The following KCTD16 variants were observed in gnomAD, a reference collection of about 807,000 sequenced individuals.
The protein encoded by KCTD16 is potassium channel tetramerization domain containing 16, also known as BTB/POZ domain-containing protein KCTD16.
In KCTD16, 13 loss-of-function variants were observed where a neutral mutation model predicts 33.2. That is an observed-to-expected ratio of 0.39 (90% CI 0.25 to 0.62). The LOEUF (loss-of-function observed/expected upper bound fraction) is 0.62. Among genes scored for constraint, KCTD16 ranks in the 20% least tolerant of loss-of-function variants. KCTD16 has a pLI of 0.50. For synonymous variants in KCTD16, 197 were observed against 195.3 expected, an observed-to-expected ratio of 1.01 and a Z score of -0.07; for missense variants, 441 against 525.1, an observed-to-expected ratio of 0.84 and a Z score of 1.57.
intron 3 of KCTD16, among the ~76,000 whole-genome samples, chr5:144,435,261 T>C (rs762062654): frequency 2.0e-5 from 3 of 152,226 alleles, no homozygotes; most frequent in Non-Finnish European, 4.4e-5. Context: ...TTCATTTGTT[T>C]ATCTATAAAT....
intron 3 of KCTD16, among the ~76,000 whole-genome samples, chr5:144,226,266 A>T (rs6888521): frequency 0.016 from 2,365 of 152,334 alleles, 27 homozygotes; most frequent in South Asian, 0.036. Context: ...ACAGATAAGA[A>T]GACTGAGACC....
chr5:144,460,882 G>A (rs962406836), intron 3 of KCTD16, among the ~76,000 whole-genome samples: 10 of 152,074 alleles, frequency 6.6e-5, no homozygotes, highest in African/African-American at 2.4e-4. Context: ...AATAAAAATG[G>A]TCTATAATCT....
chr5:144,203,139 A>G (rs558719102), intron 2 of KCTD16, among the ~76,000 whole-genome samples: 100 of 152,312 alleles, frequency 6.6e-4, no homozygotes, highest in African/African-American at 2.3e-3. Flanking sequence ...AACCTAACCT[A>G]TAAAACCCAG....
intron 3 of KCTD16, among the ~76,000 whole-genome samples, chr5:144,281,314 C>A (rs1254261293): frequency 6.6e-6 from 1 of 152,176 alleles, no homozygotes; most frequent in African/African-American, 2.4e-5. Flanking sequence ...TGTTTTGGTT[C>A]TAATGTAAGC....
chr5:144,353,290 A>G (rs983299558), intron 3 of KCTD16, among the ~76,000 whole-genome samples: 10 of 152,202 alleles, frequency 6.6e-5, no homozygotes, highest in African/African-American at 2.4e-4. Flanking sequence ...GGCTAATCAC[A>G]GGTGAACATA....
intron 3 of KCTD16, among the ~76,000 whole-genome samples, chr5:144,379,105 A>T (rs1752155840): frequency 6.6e-6 from 1 of 152,184 alleles, no homozygotes; most frequent in Admixed American, 6.6e-5. Flanking sequence ...TCAAAAGTAG[A>T]TTCTTTTTAT....
At chr5:144,273,869 GCACAACATTATGAATGTATTTGTTAA>G (rs1755371483) in intron 3 of KCTD16, among the ~76,000 whole-genome samples, 1 of 151,766 alleles carries the variant, frequency 6.6e-6, no homozygotes, top group Admixed American at 6.6e-5. Context: ...GGTGACGGTT[GCACAACATTATGAATGTATTTGTTAA>G]CACAAACTTG....
intron 2 of KCTD16, among the ~76,000 whole-genome samples, chr5:144,196,614 T>C (rs1366451871): frequency 1.3e-5 from 2 of 152,202 alleles, no homozygotes; most frequent in Admixed American, 6.5e-5. Context: ...TTTAAATATA[T>C]GAAAAATTCA....
chr5:144,342,081 CT>C (rs1752662625), intron 3 of KCTD16, among the ~76,000 whole-genome samples: 1 of 152,100 alleles, frequency 6.6e-6, no homozygotes, highest in Admixed American at 6.5e-5. Context: ...TCCATATGAA[CT>C]TTAAAGTAGT....
intron 2 of KCTD16, among the ~76,000 whole-genome samples, chr5:144,184,875 A>G (rs1019021458): frequency 6.7e-6 from 1 of 150,296 alleles, no homozygotes; most frequent in South Asian, 2.1e-4. Context: ...TTAATCAGTT[A>G]CTTCCTCTGT....
rs146760710 is a variant in KCTD16 at position 144,473,764 on chromosome 5, T to G, written c.937T>G (p.Ser313Ala). 1.9e-6 allele frequency: 3 copies of G among 1,614,088 alleles called. No homozygotes were observed. The highest frequency in any genetic ancestry group is 2.5e-6 in the Non-Finnish European group (3 of 1,179,996). ...CACGTCTTGCAATGACCTCTCCACA[T>G]CTAGCTGCGACAGCCAGTCTGAGGC... The part of the protein sequence containing the change: ...SGTSCNDLST[S>A]SCDSQSEASS... Residue 313 changes from serine to alanine, a missense_variant, in exon 4 of 4, where the codon TCT becomes GCT. Coordinates refer to ENST00000512467, the MANE Select transcript of KCTD16 (RefSeq NM_020768.4).
intron 3 of KCTD16, among the ~76,000 whole-genome samples, chr5:144,225,591 TGTGTGTC>T (rs773823544): frequency 3.8e-4 from 58 of 151,864 alleles, no homozygotes; most frequent in Admixed American, 7.9e-4. Context: ...TGTGTGTGTG[TGTGTGTC>T]TTTAAAACTA....
intron 3 of KCTD16, among the ~76,000 whole-genome samples, chr5:144,289,569 T>C (rs1256210465): frequency 6.6e-6 from 1 of 152,222 alleles, no homozygotes; most frequent in East Asian, 1.9e-4. Context: ...CTTATGTTCT[T>C]GAGCCAAGAA....
chr5:144,280,695 C>A (rs189636861), intron 3 of KCTD16, among the ~76,000 whole-genome samples: 2 of 152,148 alleles, frequency 1.3e-5, no homozygotes, highest in African/African-American at 4.8e-5. Flanking sequence ...GAGGCCAAGG[C>A]GGGCGGATCA....
At chr5:144,441,235 T>C (rs1047803319) in intron 3 of KCTD16, among the ~76,000 whole-genome samples, 6 of 152,150 alleles carry the variant, frequency 3.9e-5, no homozygotes, top group East Asian at 3.9e-4. Flanking sequence ...TTCTCAGTGA[T>C]ATCATTTGCA....
At chr5:144,399,431 T>C (rs901380945) in intron 3 of KCTD16, among the ~76,000 whole-genome samples, 3 of 152,190 alleles carry the variant, frequency 2.0e-5, no homozygotes, top group Admixed American at 6.6e-5. Context: ...TAATTTGTTG[T>C]TACTGCTTAT....
At chr5:144,450,917 A>G (rs569338527) in intron 3 of KCTD16, among the ~76,000 whole-genome samples, 2 of 152,266 alleles carry the variant, frequency 1.3e-5, no homozygotes, top group African/African-American at 4.8e-5. Context: ...TTGTACACTT[A>G]AACATTTGTT....
chr5:144,465,743 G>A (rs565536299), intron 3 of KCTD16, among the ~76,000 whole-genome samples: 1 of 149,514 alleles, frequency 6.7e-6, no homozygotes, highest in Admixed American at 6.7e-5. Context: ...AAATTCACAG[G>A]GTTCTGTAGC....
chr5:144,313,856 T>C (rs760013604), intron 3 of KCTD16, among the ~76,000 whole-genome samples: 2 of 152,192 alleles, frequency 1.3e-5, no homozygotes, highest in Non-Finnish European at 2.9e-5. Flanking sequence ...GTAATAGTAC[T>C]TATTAAGCCT....
Sources: allele counts gnomAD v4.1 joint callset (sites outside exome capture counted in the v4.1 genomes callset), GRCh38; gene constraint gnomAD v4.1.1; transcripts MANE v1.5; gene names NCBI Gene and HGNC (gene_info 2026-07-23, HGNC 2026-07-21).